RNF128: variants seen among roughly 807,000 people sequenced by gnomAD.
The protein encoded by RNF128 is E3 ubiquitin-protein ligase RNF128.
A neutral mutation model predicts 26.2 loss-of-function variants in RNF128; 13 were observed. The observed-to-expected ratio is 0.50, with a 90% CI of 0.32 to 0.79. The LOEUF (loss-of-function observed/expected upper bound fraction) is 0.79. RNF128 is among the 30% of genes least tolerant of loss of function. The pLI is 0.03. For missense variants in RNF128, 315 were observed against 349.7 expected, an observed-to-expected ratio of 0.90 and a Z score of 0.79; for synonymous variants, 149 against 142.5, an observed-to-expected ratio of 1.05 and a Z score of -0.32.
At chrX:106,716,355 C>T (rs1409712307) in intron 1 of RNF128, among the ~76,000 whole-genome samples, 1 of 111,543 alleles carries the variant, frequency 9.0e-6, no homozygotes, top group African/African-American at 3.3e-5. Context: ...ACACAAAAAG[C>T]TACATGTATA....
intron 5 of RNF128, among the ~76,000 whole-genome samples, chrX:106,790,716 G>A (rs1930807232): frequency 9.0e-6 from 1 of 110,941 alleles, no homozygotes; most frequent in Non-Finnish European, 1.9e-5. Flanking sequence ...ATCTTGACTT[G>A]GGAAGGTACA....
At chrX:106,788,287 T>G (rs1287044185) in intron 4 of RNF128, among the ~76,000 whole-genome samples, 2 of 67,667 alleles carry the variant, frequency 3.0e-5, no homozygotes, top group African/African-American at 1.1e-4. Context: ...TATATATATA[T>G]TATATATAGT....
At chrX:106,783,413 A>G (rs1274053125) in intron 2 of RNF128, among the ~76,000 whole-genome samples, 1 of 111,522 alleles carries the variant, frequency 9.0e-6, no homozygotes, top group African/African-American at 3.3e-5. Context: ...TAAACATTTT[A>G]TTGAGTATCT....
chrX:106,740,389 T>A (rs933635291), intron 1 of RNF128, among the ~76,000 whole-genome samples: 1 of 111,506 alleles, frequency 9.0e-6, no homozygotes, highest in African/African-American at 3.3e-5. Context: ...GTTTTACTAG[T>A]TCCACCTGGT....
At chrX:106,759,940 A>G (rs1930090479) in intron 1 of RNF128, among the ~76,000 whole-genome samples, 1 of 111,672 alleles carries the variant, frequency 9.0e-6, no homozygotes, top group African/African-American at 3.3e-5. Flanking sequence ...GCATAACTGG[A>G]ATGTTTGTAA....
intron 1 of RNF128, among the ~76,000 whole-genome samples, chrX:106,728,400 T>C (rs1157206938): frequency 8.9e-6 from 1 of 112,084 alleles, no homozygotes; most frequent in African/African-American, 3.2e-5. Context: ...CTGGGTTCTC[T>C]CATCAGTCAA....
Position 106,746,246 on chromosome X carries a change from T to C in RNF128, c.484+18849T>C, listed in dbSNP as rs537336323. Reference sequence around the variant, plus strand: ...TTTCTAATATGTTAATATTAGAAAATGTTAGTTGAAAGAGATACTAGAACA... The same window carrying C: ...TTTCTAATATGTTAATATTAGAAAACGTTAGTTGAAAGAGATACTAGAACA... On this transcript the variant is annotated intron_variant, in intron 1 of 6. Coordinates refer to ENST00000255499, the MANE Select transcript of RNF128 (RefSeq NM_194463.2). Among the ~76,000 whole-genome samples the C allele has an allele frequency of 9.9e-5, 11 of 111,070 alleles. No individual in the cohort carries two copies. The East Asian group carries it at 2.8e-3, about 29-fold the overall frequency.
At chrX:106,709,498 G>A (rs1929090678) in intron 1 of RNF128, among the ~76,000 whole-genome samples, 1 of 111,170 alleles carries the variant, frequency 9.0e-6, no homozygotes, top group Non-Finnish European at 1.9e-5. Flanking sequence ...ATGAAGCTGT[G>A]GTGGTTTTGT....
At chrX:106,770,690 G>A (rs1284229538) in intron 1 of RNF128, among the ~76,000 whole-genome samples, 5 of 111,477 alleles carry the variant, frequency 4.5e-5, no homozygotes, top group Admixed American at 9.6e-5. Context: ...CGATGGGTTC[G>A]AACATCCTCC....
chrX:106,720,375 A>T (rs1350425375), intron 1 of RNF128, among the ~76,000 whole-genome samples: 1 of 111,478 alleles, frequency 9.0e-6, no homozygotes, highest in Non-Finnish European at 1.9e-5. Flanking sequence ...TTATTTAAAA[A>T]TATATATTTT....
Position 106,796,492 on chromosome X carries a change from C to T in RNF128, c.*779C>T, listed in dbSNP as rs938733033. On this transcript the variant is annotated 3_prime_UTR_variant, in exon 7 of 7. Coordinates refer to ENST00000255499, the MANE Select transcript of RNF128 (RefSeq NM_194463.2). ...ATTGCTAATGACAGAGTAAGTAACA[C>T]TAATATTGGTCATTGATCTTCGTTC... 2.7e-5 allele frequency: 3 copies of T among 111,604 alleles called. No homozygotes were observed. In the East Asian group the frequency reaches 8.4e-4, roughly 31 times the overall value. 9.2% of individuals were successfully genotyped at this position (111,604 alleles called of 1,213,427 possible).
intron 6 of RNF128, among the ~76,000 whole-genome samples, chrX:106,791,842 TCCCTATAAAGATAAAAC>T (rs1027613270): frequency 2.7e-5 from 3 of 111,510 alleles, no homozygotes; most frequent in African/African-American, 9.7e-5. Context: ...GTTCTGTTTT[TCCCTATAAAGATAAAAC>T]CCCTATAAAA....
rs941371224 is a variant in RNF128, at chrX:106,773,051, T to C, written c.623T>C (p.Ile208Thr). The C allele has an allele frequency of 5.0e-6, 6 of 1,208,944 alleles. No homozygotes were observed. In the Admixed American group the frequency reaches 8.8e-5, roughly 18 times the overall value. ...GGCCCTTGGGTGAATCACTATTCAA[T>C]TTTTTTCGTTTCTGTGTCCTTTTTT... ...KHGPWVNHYS[I>T]FFVSVSFFII... The change falls in exon 2 of 7, where the codon ATT becomes ACT. Residue 208 changes from isoleucine to threonine, a missense_variant. Transcript: ENST00000255499.
intron 1 of RNF128, among the ~76,000 whole-genome samples, chrX:106,764,667 A>G (rs1602383805): frequency 1.8e-5 from 2 of 111,645 alleles, no homozygotes; most frequent in South Asian, 7.6e-4. Context: ...CTCCGTCTCA[A>G]AAAAAACAAA....
intron 1 of RNF128, among the ~76,000 whole-genome samples, chrX:106,702,039 C>A (rs952372820): frequency 1.2e-4 from 13 of 110,064 alleles, no homozygotes; most frequent in Admixed American, 5.8e-4. Context: ...TTTTACCTGA[C>A]TTACAATAAC....
At chrX:106,717,508 C>G (rs12009433) in intron 1 of RNF128, among the ~76,000 whole-genome samples, 1 of 111,200 alleles carries the variant, frequency 9.0e-6, no homozygotes, top group Non-Finnish European at 1.9e-5. Flanking sequence ...TTCTTGATAC[C>G]GTTAATAGGG....
intron 1 of RNF128, among the ~76,000 whole-genome samples, chrX:106,739,097 C>G (rs749081209): frequency 1.8e-5 from 2 of 110,602 alleles, no homozygotes; most frequent in Non-Finnish European, 3.8e-5. Context: ...CAATTTCTCT[C>G]TTCTATTCTC....
At chrX:106,755,197 G>C (rs1042751431) in intron 1 of RNF128, among the ~76,000 whole-genome samples, 1 of 111,519 alleles carries the variant, frequency 9.0e-6, no homozygotes, top group African/African-American at 3.3e-5. Flanking sequence ...AACCTTCCAT[G>C]ATTGGATCAG....
intron 3 of RNF128, among the ~76,000 whole-genome samples, chrX:106,785,554 A>G (rs759598207): frequency 8.9e-6 from 1 of 111,882 alleles, no homozygotes; most frequent in African/African-American, 3.2e-5. Context: ...TAAGGGATGC[A>G]GACAGCCTCT....
Sources: gnomAD v4.1 joint callset for allele counts (sites outside exome capture counted in the v4.1 genomes callset) on GRCh38, gnomAD v4.1.1 for gene constraint, MANE v1.5 for transcripts, NCBI Gene and HGNC (gene_info 2026-07-23, HGNC 2026-07-21) for gene names.